The following JPH3 variants were observed in gnomAD, a reference collection of about 807,000 sequenced individuals.
JPH3 encodes the protein junctophilin 3.
JPH3 carries 11 observed loss-of-function variants against 59.6 expected under a neutral mutation model. The ratio of observed to expected loss-of-function variants is 0.18; its 90% CI spans 0.12 to 0.31. JPH3 has a LOEUF of 0.31. JPH3 is among the 10% of genes least tolerant of loss of function. JPH3 has a pLI of 1.00. For synonymous variants in JPH3, 673 were observed against 483.6 expected (o/e 1.39, Z -5.14); for missense variants, 1,202 against 1,105.7 (o/e 1.09, Z -1.24).
chr16:87,675,223 T>G (rs2033115079), intron 2 of JPH3, among the ~76,000 whole-genome samples: 1 of 67,020 alleles, frequency 1.5e-5, no homozygotes, highest in African/African-American at 6.1e-5. Context: ...TGACCCCTCC[T>G]CTGCCCCTGG....
intron 3 of JPH3, among the ~76,000 whole-genome samples, chr16:87,685,418 T>C (rs564550514): frequency 2.8e-4 from 42 of 152,364 alleles, no homozygotes; most frequent in African/African-American, 1.0e-3. Flanking sequence ...CCTGTGGCCA[T>C]TGGCATCCTC....
At chr16:87,682,512 A>G (rs1037432927) in intron 2 of JPH3, among the ~76,000 whole-genome samples, 10 of 152,130 alleles carry the variant, frequency 6.6e-5, no homozygotes, top group Admixed American at 2.0e-4. Flanking sequence ...GGCCTCAGAG[A>G]GCACCCTCGC....
chr16:87,634,647 G>A (rs1027651823), intron 1 of JPH3, among the ~76,000 whole-genome samples: 3 of 152,240 alleles, frequency 2.0e-5, no homozygotes, highest in Admixed American at 6.5e-5. Context: ...AAGCTGTGAC[G>A]GGAGGGGGGC....
intron 2 of JPH3, among the ~76,000 whole-genome samples, chr16:87,676,998 G>A (rs1312303990): frequency 2.0e-5 from 3 of 151,446 alleles, no homozygotes; most frequent in South Asian, 2.1e-4. Context: ...TCTCTACTAA[G>A]AATACAAAAA....
chr16:87,681,008 G>C (rs2033275102), intron 2 of JPH3, among the ~76,000 whole-genome samples: 2 of 152,220 alleles, frequency 1.3e-5, no homozygotes, highest in African/African-American at 2.4e-5. Flanking sequence ...GGTCTGAACA[G>C]CCGGGGAAGT....
chr16:87,604,586 G>A, intron 1 of JPH3: 2 of 1,227,750 alleles, frequency 1.6e-6, no homozygotes, highest in South Asian at 1.6e-5. Flanking sequence ...GTGAGACGCA[G>A]CAATGACTTG....
In JPH3 at chr16:87,677,174, C is replaced by CTATA. The variant is rs59009330; in HGVS notation, c.1161-6959_1161-6956dup. On this transcript the variant is annotated intron_variant, in intron 2 of 4. Transcript: ENST00000284262. ...ACTCCATTATACACACACACACGCACTATATATATATACACACACACACAC... is the reference window on the plus strand; with the variant it reads ...ACTCCATTATACACACACACACGCACTATATATATATATATACACACACACACAC... Among the ~76,000 whole-genome samples, 237 of 119,158 alleles carry CTATA rather than the reference C, an allele frequency of 2.0e-3. 4 individuals are homozygous for CTATA. Among genetic ancestry groups the CTATA allele is most frequent in the Middle Eastern group, 8.8e-3 (2 of 228 alleles). The allele number at this position is 119,158 out of a possible 152,430, so 78.2% of individuals were successfully genotyped here.
rs531997789 is a variant in JPH3 at position 87,630,616 on chromosome 16, CCTT to C, written c.383-13641_383-13639del. Among the ~76,000 whole-genome samples the C allele has an allele frequency of 3.3e-3, 509 of 152,294 alleles. 6 individuals are homozygous for C. Among genetic ancestry groups the C allele is most frequent in the African/African-American group, 0.011 (468 of 41,554 alleles). On this transcript the variant is annotated intron_variant, in intron 1 of 4. Transcript: ENST00000284262. ...TAAACGCATCTTTCCTTCCCCTCCT[CCTT>C]AAAATTTTTAATCCTTATTGAGCTA...
At chr16:87,613,829 C>G (rs914678629) in intron 1 of JPH3, among the ~76,000 whole-genome samples, 1 of 152,166 alleles carries the variant, frequency 6.6e-6, no homozygotes, top group Non-Finnish European at 1.5e-5. Context: ...TTATATCTTA[C>G]ATTCCTTAAG....
At chr16:87,661,889 A>G (rs1405833201) in intron 2 of JPH3, among the ~76,000 whole-genome samples, 1 of 152,122 alleles carries the variant, frequency 6.6e-6, no homozygotes, top group Non-Finnish European at 1.5e-5. Flanking sequence ...GGGGTATTTC[A>G]TTGCCTCACA....
rs137861873 is a variant in JPH3, at chr16:87,623,480, G to A, written c.382+19952G>A. Among the ~76,000 whole-genome samples, 84 of 152,346 alleles carry A rather than the reference G, an allele frequency of 5.5e-4. 1 individual carries two copies. In the East Asian group the frequency reaches 0.016, roughly 28 times the overall value. ...TTCCATGAGTGACAGAGTCACCGAT[G>A]TGGCCAGTACCACTGTGGGCTTGAG... is the stretch of plus-strand genomic sequence containing the variant. On this transcript the variant is annotated intron_variant, in intron 1 of 4. Coordinates refer to ENST00000284262, the MANE Select transcript of JPH3 (RefSeq NM_020655.4).
At chr16:87,616,838 T>C (rs1055149375) in intron 1 of JPH3, among the ~76,000 whole-genome samples, 42 of 152,224 alleles carry the variant, frequency 2.8e-4, no homozygotes, top group African/African-American at 9.9e-4. Flanking sequence ...TCCAAAATGC[T>C]CTGTAAACGG....
intron 3 of JPH3, among the ~76,000 whole-genome samples, chr16:87,684,711 C>G (rs1366520): frequency 0.65 from 98,843 of 152,144 alleles, 32,382 homozygotes; most frequent in Middle Eastern, 0.74. Context: ...ACTAACTTAC[C>G]ATTAAACACA....
intron 2 of JPH3, 21 bp from the exon 3 acceptor site, chr16:87,684,121 G>GCTC (rs1567613513): frequency 6.2e-7 from 1 of 1,606,594 alleles, no homozygotes; most frequent in Non-Finnish European, 8.5e-7. Context: ...CCCCCCTCAC[G>GCTC]CTCCTCCCTG....
At position 87,644,770 on chromosome 16, in the gene JPH3, G is replaced by A. The variant is rs532653949; in HGVS notation, c.895G>A (p.Gly299Ser). 17 of 1,613,194 alleles carry A rather than the reference G, an allele frequency of 1.1e-5. No individual in the cohort carries two copies. Among genetic ancestry groups the A allele is most frequent in the East Asian group, 2.2e-5 (1 of 44,816 alleles). ...VGEWKNDKRS[G>S]FGVSQRSDGL... is the part of the protein sequence containing the mutation. The stretch of plus-strand genomic sequence containing the variant: ...CGAGTGGAAGAACGACAAACGCTCC[G>A]GCTTCGGCGTGAGCCAGCGCTCGGA... Residue 299 changes from glycine to serine, a missense_variant, in exon 2 of 5, where the codon GGC becomes AGC. Coordinates refer to ENST00000284262, the MANE Select transcript of JPH3 (RefSeq NM_020655.4).
rs577991789 is a variant in JPH3, at chr16:87,697,516, G to C, written c.*856G>C. 3 of 152,352 alleles carry C rather than the reference G, an allele frequency of 2.0e-5. No individual in the cohort carries two copies. The highest frequency in any genetic ancestry group is 4.4e-5 in the Non-Finnish European group (3 of 68,180). The allele number at this position is 152,352 out of a possible 1,614,324, so 9.4% of individuals were successfully genotyped here. A position where few individuals can be genotyped will look rare whatever the true frequency, so the allele number is the denominator to read the frequency against. ...GCCGGGGCTCTGGGTGTGTGCGCTT[G>C]GCGTGCAGGGTGGACGCGTGGGGTT... is the stretch of plus-strand genomic sequence containing the variant. On this transcript the variant is annotated 3_prime_UTR_variant, in exon 5 of 5. Transcript: ENST00000284262.
intron 2 of JPH3, among the ~76,000 whole-genome samples, chr16:87,672,425 G>T (rs1211323682): frequency 6.6e-6 from 1 of 152,240 alleles, no homozygotes; most frequent in Non-Finnish European, 1.5e-5. Flanking sequence ...TCCGTCCCAG[G>T]GGCCTCCCTG....
At position 87,603,514 on chromosome 16, in the gene JPH3, C is replaced by A; in HGVS notation, c.368C>A (p.Thr123Asn). 1.3e-6 allele frequency: 2 copies of A among 1,547,344 alleles called. No individual in the cohort carries two copies. The highest frequency in any genetic ancestry group is 2.5e-5 in the East Asian group (1 of 40,662). The change falls in exon 1 of 5, where the codon ACC becomes AAC. Residue 123 changes from threonine (T) to asparagine (N), a missense_variant. Coordinates refer to ENST00000284262, the MANE Select transcript of JPH3 (RefSeq NM_020655.4). The stretch of plus-strand genomic sequence containing the variant: ...CTGCAGGACGGCTACGGGACCGAGA[C>A]CTACTCGGACGGAGGTAGGTGCCGC... ...NGLQDGYGTE[T>N]YSDGGTYQGQ...
Position 87,644,550 on chromosome 16 carries a change from G to A in JPH3, c.675G>A (p.Leu225=). ...GCTCGCTGCTGAGTGGGCTGAAGCT[G>A]CGCAAGTCGGAGTCCAAGAGCAGCC... ...FRRSLLSGLK[L]RKSESKSSLA... Residue 225 remains leucine (L), a synonymous_variant, in exon 2 of 5, where the codon CTG becomes CTA. Coordinates refer to ENST00000284262, the MANE Select transcript of JPH3 (RefSeq NM_020655.4). 6.2e-7 allele frequency: 1 copy of A among 1,612,802 alleles called. No homozygotes were observed. The highest frequency in any genetic ancestry group is 8.5e-7 in the Non-Finnish European group (1 of 1,179,816).
Sources: allele counts gnomAD v4.1 joint callset (sites outside exome capture counted in the v4.1 genomes callset), GRCh38; gene constraint gnomAD v4.1.1; transcripts MANE v1.5; gene names NCBI Gene and HGNC (gene_info 2026-07-23, HGNC 2026-07-21).